Variants in LARP1 observed in about 807,000 individuals in gnomAD.
LARP1 encodes the protein la-related protein 1.
Under a neutral mutation model 122.7 loss-of-function variants are expected in LARP1, and 36 were observed. The observed-to-expected ratio is 0.29, with a 90% confidence interval of 0.22 to 0.39. The LOEUF (loss-of-function observed/expected upper bound fraction) is 0.39. Among genes scored for constraint, LARP1 ranks in the 10% least tolerant of loss-of-function variants. The pLI, the probability that LARP1 is intolerant of heterozygous loss-of-function variation, is 1.00. For synonymous variants in LARP1, 539 were observed against 528.7 expected, an observed-to-expected ratio of 1.02 and a Z score of -0.27; for missense variants, 1,040 against 1,403.6, an observed-to-expected ratio of 0.74 and a Z score of 4.14.
At chr5:154,800,726 C>A (rs1380473150) in intron 10 of LARP1, among the ~76,000 whole-genome samples, 3 of 152,178 alleles carry the variant, frequency 2.0e-5, no homozygotes, top group African/African-American at 7.2e-5. Flanking sequence ...TCACTGTCAC[C>A]CACTTTGGAG....
chr5:154,686,110 A>AG (rs1356293807), intron 1 of LARP1, among the ~76,000 whole-genome samples: 4 of 152,232 alleles, frequency 2.6e-5, no homozygotes, highest in African/African-American at 9.7e-5. Flanking sequence ...CTGTATCACT[A>AG]GTGCTTAGTA....
upstream of LARP1, among the ~76,000 whole-genome samples, chr5:154,710,511 A>C (rs772354871): frequency 6.6e-6 from 1 of 152,118 alleles, no homozygotes; most frequent in Non-Finnish European, 1.5e-5. Flanking sequence ...TGGGAGGCCA[A>C]TGTGGGCAGA....
At position 154,789,197 on chromosome 5, in the gene LARP1, C is replaced by CGA. The variant is rs1395023756; in HGVS notation, c.437-1125_437-1124dup. 7.6e-4 allele frequency among the ~76,000 whole-genome samples: 109 copies of CGA among 143,334 alleles called. 2 individuals carry two copies. Among genetic ancestry groups the CGA allele is most frequent in the Non-Finnish European group, 2.6e-4 (17 of 66,396 alleles). 94.0% of individuals were successfully genotyped at this position (143,334 alleles called of 152,430 possible). ...CTGCACTCCAGCCTGGGTGACAGAG[C>CGA]GAGACTCTGTCTCAAAACAAACTTT... On this transcript the variant is annotated intron_variant, in intron 1 of 18. Transcript: ENST00000518297.
intron 1 of LARP1, among the ~76,000 whole-genome samples, chr5:154,719,687 C>A (rs1755737031): frequency 6.6e-6 from 1 of 151,460 alleles, no homozygotes; most frequent in South Asian, 2.1e-4. Flanking sequence ...CATGGTGAAA[C>A]CCCATCTCTA....
chr5:154,693,850 C>T (rs1481413343), intron 1 of LARP1, among the ~76,000 whole-genome samples: 3 of 124,064 alleles, frequency 2.4e-5, no homozygotes, highest in South Asian at 2.6e-4. Flanking sequence ...AGCAAGACTC[C>T]GTCTAAAAAA....
At chr5:154,792,458 A>G (rs1247147655) in intron 3 of LARP1, among the ~76,000 whole-genome samples, 164 bp from the exon 4 acceptor site, 1 of 152,196 alleles carries the variant, frequency 6.6e-6, no homozygotes, top group Admixed American at 6.5e-5. Context: ...CATGCTTCCC[A>G]CTGAAACCAT....
At chr5:154,789,801 T>C (rs2113763885) in intron 1 of LARP1, among the ~76,000 whole-genome samples, 1 of 152,272 alleles carries the variant, frequency 6.6e-6, no homozygotes, top group South Asian at 2.1e-4. Context: ...CAGACAAAAA[T>C]GTTTCCTGAG....
chr5:154,804,412 C>G (rs1582469503), intron 14 of LARP1, 105 bp downstream of exon 14: 2 of 859,558 alleles, frequency 2.3e-6, no homozygotes, highest in East Asian at 4.9e-5. Flanking sequence ...TTAAAGGGAC[C>G]CTCATCTAAG....
intron 1 of LARP1, among the ~76,000 whole-genome samples, chr5:154,767,141 A>G (rs1755018127): frequency 6.6e-6 from 1 of 152,158 alleles, no homozygotes. Flanking sequence ...TAGCGCAGCC[A>G]TTTACCCACT....
intron 1 of LARP1, among the ~76,000 whole-genome samples, chr5:154,758,136 T>G (rs1383779453): frequency 4.0e-5 from 6 of 151,854 alleles, no homozygotes; most frequent in Non-Finnish European, 8.8e-5. Context: ...GAACCTACCT[T>G]GTGGGTTTTA....
At chr5:154,746,353 T>C (rs1753199844) in intron 1 of LARP1, among the ~76,000 whole-genome samples, 1 of 152,244 alleles carries the variant, frequency 6.6e-6, no homozygotes, top group African/African-American at 2.4e-5. Context: ...GTTATGGTCA[T>C]GTTGCCAAGA....
chr5:154,684,371 G>A (rs190278993), intron 1 of LARP1, among the ~76,000 whole-genome samples: 12 of 152,180 alleles, frequency 7.9e-5, no homozygotes, highest in African/African-American at 2.9e-4. Context: ...AGGAGGTGGG[G>A]ACTATAGTAA....
intron 1 of LARP1, among the ~76,000 whole-genome samples, chr5:154,695,090 C>T (rs967708497): frequency 2.6e-5 from 4 of 152,024 alleles, no homozygotes; most frequent in Non-Finnish European, 2.9e-5. Context: ...CCGAGATGGG[C>T]GGATTACGAG....
chr5:154,814,131 G>T lies in LARP1; in HGVS notation c.*35G>T. On this transcript the variant is annotated 3_prime_UTR_variant, in exon 19 of 19. Coordinates refer to ENST00000518297, the MANE Select transcript of LARP1 (RefSeq NM_033551.3). Reference sequence around the variant, plus strand: ...TAGCCCTGGGGCTTGAGGGGGGAAAGGGGTAGGGTGGGTAAGAGTCCATGG... The same window carrying T: ...TAGCCCTGGGGCTTGAGGGGGGAAATGGGTAGGGTGGGTAAGAGTCCATGG... The T allele has an allele frequency of 1.2e-6, 2 of 1,603,954 alleles. No homozygotes were observed. Among genetic ancestry groups the T allele is most frequent in the Non-Finnish European group, 1.7e-6 (2 of 1,173,152 alleles).
upstream of LARP1, among the ~76,000 whole-genome samples, chr5:154,707,996 C>G (rs1174440413): frequency 6.6e-6 from 1 of 152,196 alleles, no homozygotes; most frequent in Non-Finnish European, 1.5e-5. Context: ...TTTGCCCTCT[C>G]AAGCAGTTGA....
At chr5:154,742,490 C>G (rs762750462) in intron 1 of LARP1, among the ~76,000 whole-genome samples, 1 of 151,984 alleles carries the variant, frequency 6.6e-6, no homozygotes, top group East Asian at 1.9e-4. Context: ...ACCTGGGAGG[C>G]GGAGGTTGCA....
chr5:154,741,413 G>A (rs764081757), intron 1 of LARP1, among the ~76,000 whole-genome samples: 1 of 152,220 alleles, frequency 6.6e-6, no homozygotes, highest in Non-Finnish European at 1.5e-5. Flanking sequence ...GAGCTTGCAC[G>A]TTAGTGGAGG....
chr5:154,691,686 A>C (rs1213142631), intron 1 of LARP1, among the ~76,000 whole-genome samples: 1 of 152,036 alleles, frequency 6.6e-6, no homozygotes, highest in Non-Finnish European at 1.5e-5. Context: ...GGGGCAGCTC[A>C]CGTGAATGGG....
At chr5:154,752,616 TTTTCCAG>T (rs1384348719), upstream of LARP1, among the ~76,000 whole-genome samples, 1 of 152,116 alleles carries the variant, frequency 6.6e-6, no homozygotes, top group Non-Finnish European at 1.5e-5. Flanking sequence ...TATGATTCCT[TTTTCCAG>T]TTCTAACAGC....
Sources: gnomAD v4.1 joint callset for allele counts (sites outside exome capture counted in the v4.1 genomes callset) on GRCh38, gnomAD v4.1.1 for gene constraint, MANE v1.5 for transcripts, NCBI Gene and HGNC (gene_info 2026-07-23, HGNC 2026-07-21) for gene names.